Variants in CTNNA3 observed in about 807,000 individuals in gnomAD.
The protein encoded by CTNNA3 is catenin alpha-3.
In CTNNA3, 76 loss-of-function variants were observed where a neutral mutation model predicts 95.7. The ratio of observed to expected loss-of-function variants is 0.79; its 90% CI spans 0.66 to 0.96. The LOEUF is 0.96. Ranked by LOEUF, CTNNA3 falls within the 40% of genes least tolerant of loss-of-function variation. CTNNA3 has a pLI of 0.00. For synonymous variants in CTNNA3, 431 were observed against 374.4 expected (o/e 1.15, Z -1.74); for missense variants, 1,191 against 1,089.8 (o/e 1.09, Z -1.31).
At chr10:66,086,059 T>C (rs114137455) in intron 14 of CTNNA3, among the ~76,000 whole-genome samples, 41 of 152,240 alleles carry the variant, frequency 2.7e-4, no homozygotes, top group African/African-American at 8.7e-4. Context: ...CAAAACATAA[T>C]TCTTCTTGTC....
At chr10:67,760,069 C>A (rs970977213) in intron 1 of CTNNA3, among the ~76,000 whole-genome samples, 5 of 152,182 alleles carry the variant, frequency 3.3e-5, no homozygotes, top group African/African-American at 1.2e-4. Flanking sequence ...AAAACGAATA[C>A]AAGTCACATG....
At chr10:66,903,128 A>G (rs577025078) in intron 7 of CTNNA3, among the ~76,000 whole-genome samples, 9 of 152,322 alleles carry the variant, frequency 5.9e-5, no homozygotes, top group Admixed American at 4.6e-4. Flanking sequence ...AAAATCCTCA[A>G]TAAAATACTG....
chr10:67,342,670 C>T (rs535390225), intron 5 of CTNNA3, among the ~76,000 whole-genome samples: 26 of 152,262 alleles, frequency 1.7e-4, no homozygotes, highest in African/African-American at 5.1e-4. Context: ...ATCCAGTTTT[C>T]CCAGCAGCAT....
At chr10:66,184,131 C>T (rs551713153) in intron 13 of CTNNA3, among the ~76,000 whole-genome samples, 2 of 151,908 alleles carry the variant, frequency 1.3e-5, no homozygotes, top group Admixed American at 6.6e-5. Context: ...AACCCTGTCT[C>T]TATTAAAAAA....
chr10:67,585,994 T>C (rs1842611777), intron 3 of CTNNA3, among the ~76,000 whole-genome samples: 1 of 152,196 alleles, frequency 6.6e-6, no homozygotes. Flanking sequence ...CTGCTTTTTC[T>C]GTATCTCACA....
chr10:67,248,539 C>CCCCG (rs1188387138), intron 5 of CTNNA3, among the ~76,000 whole-genome samples: 77 of 152,058 alleles, frequency 5.1e-4, no homozygotes, highest in Non-Finnish European at 9.3e-4. Flanking sequence ...CCTCAGCCCC[C>CCCCG]CAAAGAGCTG....
At chr10:66,132,579 C>T (rs1454008899) in intron 13 of CTNNA3, among the ~76,000 whole-genome samples, 2 of 152,130 alleles carry the variant, frequency 1.3e-5, no homozygotes, top group East Asian at 1.9e-4. Context: ...AATCATTCTG[C>T]CATAAAGGCA....
chr10:66,579,344 T>C (rs999764160), intron 10 of CTNNA3, among the ~76,000 whole-genome samples: 5 of 151,856 alleles, frequency 3.3e-5, no homozygotes, highest in Non-Finnish European at 7.4e-5. Context: ...GAAGAATCAG[T>C]AGTATTTGCT....
intron 11 of CTNNA3, among the ~76,000 whole-genome samples, chr10:66,492,320 G>A (rs1185514389): frequency 1.3e-5 from 2 of 152,046 alleles, no homozygotes; most frequent in Non-Finnish European, 2.9e-5. Context: ...GTCTCACTCT[G>A]TCACCCAGGC....
At chr10:67,161,905 C>G (rs1861564621) in intron 7 of CTNNA3, among the ~76,000 whole-genome samples, 1 of 151,876 alleles carries the variant, frequency 6.6e-6, no homozygotes, top group Middle Eastern at 3.2e-3. Flanking sequence ...AAGAAGACTG[C>G]AAAGACAGAA....
rs1232147247 is a variant in CTNNA3, at chr10:66,459,529, G to T, written c.1531+61088C>A. ...TTTCAGTTTCTCGACATCCTCACCA[G>T]TACTTTATTTTCTTTTCTTTAAAAA... On this transcript the variant is annotated intron_variant, in intron 11 of 17. Transcript: ENST00000433211. 5.3e-5 allele frequency among the ~76,000 whole-genome samples: 8 copies of T among 152,086 alleles called. No homozygotes were observed. In the South Asian group the frequency reaches 1.7e-3, roughly 32 times the overall value.
chr10:66,282,443 C>G (rs1424661002), intron 12 of CTNNA3, among the ~76,000 whole-genome samples: 1 of 151,622 alleles, frequency 6.6e-6, no homozygotes, highest in African/African-American at 2.4e-5. Flanking sequence ...TTTCCTTTAC[C>G]ATATTCTATG....
In CTNNA3 at chr10:66,822,371, C is replaced by T. The variant is rs1042030722; in HGVS notation, c.1048-46847G>A. 5.3e-5 allele frequency among the ~76,000 whole-genome samples: 8 copies of T among 152,128 alleles called. No individual in the cohort carries two copies. The South Asian group carries it at 1.2e-3, about 24-fold the overall frequency. The stretch of plus-strand genomic sequence containing the variant: ...TCCTCATCACAGTGTCCCAGGGAGC[C>T]GCTACTGATCAATCAGGATTGGCAC... On this transcript the variant is annotated intron_variant, in intron 7 of 17. Coordinates refer to ENST00000433211, the MANE Select transcript of CTNNA3 (RefSeq NM_013266.4).
chr10:67,575,041 ATCT>A (rs918869670), intron 3 of CTNNA3, among the ~76,000 whole-genome samples: 79 of 152,306 alleles, frequency 5.2e-4, no homozygotes, highest in African/African-American at 1.8e-3. Context: ...CTGAAATCAT[ATCT>A]TCTTCTCCAA....
intron 1 of CTNNA3, among the ~76,000 whole-genome samples, chr10:67,736,369 T>C (rs752329471): frequency 1.8e-4 from 28 of 152,162 alleles, no homozygotes; most frequent in Non-Finnish European, 3.7e-4. Context: ...TTACAAAACA[T>C]TGTAAATGTA....
chr10:66,898,221 T>C (rs1256574006), intron 7 of CTNNA3, among the ~76,000 whole-genome samples: 3 of 152,162 alleles, frequency 2.0e-5, no homozygotes, highest in Non-Finnish European at 2.9e-5. Flanking sequence ...TCACTTATCA[T>C]TAGAGAGAGT....
chr10:66,475,056 G>A (rs1424044380), intron 11 of CTNNA3, among the ~76,000 whole-genome samples: 1 of 151,902 alleles, frequency 6.6e-6, no homozygotes, highest in African/African-American at 2.4e-5. Context: ...TGCTGTAGAA[G>A]AGACTTGGAT....
At chr10:67,038,500 T>A (rs1375616596) in intron 7 of CTNNA3, among the ~76,000 whole-genome samples, 4 of 152,124 alleles carry the variant, frequency 2.6e-5, no homozygotes, top group African/African-American at 7.2e-5. Flanking sequence ...ACAACTCATT[T>A]ATGAAAATGA....
At chr10:65,948,202 C>T (rs995740038) in intron 17 of CTNNA3, among the ~76,000 whole-genome samples, 12 of 151,060 alleles carry the variant, frequency 7.9e-5, no homozygotes, top group Non-Finnish European at 1.5e-4. Context: ...AATGGCATGA[C>T]CCCGGGAGGC....
Sources: gnomAD v4.1 joint callset for allele counts (sites outside exome capture counted in the v4.1 genomes callset) on GRCh38, gnomAD v4.1.1 for gene constraint, MANE v1.5 for transcripts, NCBI Gene and HGNC (gene_info 2026-07-23, HGNC 2026-07-21) for gene names.